Variants in EPB41L5 observed in about 807,000 individuals in gnomAD.
The protein encoded by EPB41L5 is band 4.1-like protein 5.
In EPB41L5, 55 loss-of-function variants were observed where a neutral mutation model predicts 106.6. That is an observed-to-expected ratio of 0.52 (90% CI 0.42 to 0.65). The LOEUF (loss-of-function observed/expected upper bound fraction) is 0.65, where lower values mean the gene tolerates loss of function less well. Among genes scored for constraint, EPB41L5 ranks in the 30% least tolerant of loss-of-function variants. The pLI, the probability that EPB41L5 is intolerant of heterozygous loss-of-function variation, is 0.00. For missense variants in EPB41L5, 871 were observed against 882.1 expected, an observed-to-expected ratio of 0.99 and a Z score of 0.16; for synonymous variants, 297 against 306.7, an observed-to-expected ratio of 0.97 and a Z score of 0.33.
intron 16 of EPB41L5, among the ~76,000 whole-genome samples, chr2:120,120,316 C>T (rs1173393918): frequency 1.3e-5 from 2 of 151,194 alleles, no homozygotes; most frequent in South Asian, 2.1e-4. Flanking sequence ...GCTGTAGTCC[C>T]GGCTACATGG....
rs116000592 is a variant in EPB41L5 at position 120,037,663 on chromosome 2, A to G, written c.181-4343A>G. On this transcript the variant is annotated intron_variant, in intron 2 of 24. Transcript: ENST00000263713. ...CAGACCCCATCTCTACAAAAGAAAA[A>G]AAAAAGCAGTGTGTTACTGGCAATA... is the stretch of plus-strand genomic sequence containing the variant. 4.5e-3 allele frequency among the ~76,000 whole-genome samples: 692 copies of G among 152,300 alleles called. 6 individuals carry two copies. Among genetic ancestry groups the G allele is most frequent in the African/African-American group, 0.014 (595 of 41,564 alleles).
At chr2:120,090,576 C>A in intron 12 of EPB41L5, 60 bp downstream of exon 12, 1 of 1,462,282 alleles carries the variant, frequency 6.8e-7, no homozygotes, top group Non-Finnish European at 9.3e-7. Flanking sequence ...AAATTTAGGC[C>A]AATCTTCTCT....
chr2:120,061,040 T>TTTTG (rs1333605096), intron 3 of EPB41L5, among the ~76,000 whole-genome samples: 1 of 111,872 alleles, frequency 8.9e-6, no homozygotes, highest in Non-Finnish European at 1.9e-5. Context: ...AGTTTTTTTT[T>TTTTG]TTTTTTTTTT....
At chr2:120,125,323 C>T (rs995252951) in intron 16 of EPB41L5, among the ~76,000 whole-genome samples, 1 of 152,174 alleles carries the variant, frequency 6.6e-6, no homozygotes, top group African/African-American at 2.4e-5. Context: ...GGAAACACCG[C>T]TTGTCCAACT....
intron 3 of EPB41L5, among the ~76,000 whole-genome samples, chr2:120,048,585 C>CT (rs1343396007): frequency 6.6e-6 from 1 of 151,270 alleles, no homozygotes; most frequent in African/African-American, 2.4e-5. Context: ...TTTTGTTGAT[C>CT]TTTTAAAAAA....
intron 20 of EPB41L5, among the ~76,000 whole-genome samples, chr2:120,149,555 T>C (rs535790068): frequency 4.6e-5 from 7 of 152,242 alleles, no homozygotes; most frequent in Non-Finnish European, 8.8e-5. Context: ...TGTACTATTA[T>C]GTATCAGGAC....
intron 3 of EPB41L5, among the ~76,000 whole-genome samples, chr2:120,049,598 G>C (rs1206420755): frequency 6.6e-6 from 1 of 151,994 alleles, no homozygotes; most frequent in Non-Finnish European, 1.5e-5. Context: ...CAGTACACTG[G>C]GGGGTCTTGA....
At chr2:120,147,819 G>A (rs972432832) in intron 20 of EPB41L5, among the ~76,000 whole-genome samples, 2 of 152,026 alleles carry the variant, frequency 1.3e-5, no homozygotes, top group Non-Finnish European at 2.9e-5. Flanking sequence ...AGAGCCTAGA[G>A]CATACATGCA....
chr2:120,161,433 C>T (rs1687137223), intron 21 of EPB41L5, among the ~76,000 whole-genome samples: 1 of 151,574 alleles, frequency 6.6e-6, no homozygotes, highest in South Asian at 2.1e-4. Flanking sequence ...AGGGAGAATC[C>T]TGTTGCCACA....
chr2:120,168,631 T>C (rs750407747), intron 24 of EPB41L5, among the ~76,000 whole-genome samples: 4 of 152,198 alleles, frequency 2.6e-5, no homozygotes, highest in Non-Finnish European at 4.4e-5. Flanking sequence ...ATTTCACATA[T>C]CCTCCTTGAA....
intron 10 of EPB41L5, among the ~76,000 whole-genome samples, chr2:120,085,721 T>G (rs1249300531): frequency 6.6e-6 from 1 of 152,220 alleles, no homozygotes; most frequent in Non-Finnish European, 1.5e-5. Flanking sequence ...TGTCCCTTGA[T>G]GCGTGAAGAA....
chr2:120,140,465 AAAG>A (rs1159463267), intron 18 of EPB41L5, among the ~76,000 whole-genome samples: 1 of 152,008 alleles, frequency 6.6e-6, no homozygotes, highest in Non-Finnish European at 1.5e-5. Flanking sequence ...TTTTTTAAGA[AAAG>A]AAGGAAGAAT....
intron 10 of EPB41L5, among the ~76,000 whole-genome samples, chr2:120,082,772 T>C (rs1187179656): frequency 1.3e-5 from 2 of 152,310 alleles, no homozygotes; most frequent in East Asian, 3.9e-4. Flanking sequence ...AATTATTGCC[T>C]CAATTTTAGA....
chr2:120,086,583 G>A (rs1197279668), intron 10 of EPB41L5, among the ~76,000 whole-genome samples: 2 of 152,040 alleles, frequency 1.3e-5, no homozygotes, highest in African/African-American at 4.8e-5. Flanking sequence ...GCAACGTAGC[G>A]AGATGCCGTC....
intron 2 of EPB41L5, among the ~76,000 whole-genome samples, chr2:120,036,738 A>G (rs781597410): frequency 4.6e-5 from 7 of 152,228 alleles, no homozygotes; most frequent in Admixed American, 3.3e-4. Context: ...AGTATAATCT[A>G]TAGAACACAT....
intron 17 of EPB41L5, among the ~76,000 whole-genome samples, chr2:120,130,725 G>A (rs1367663615): frequency 6.6e-6 from 1 of 152,108 alleles, no homozygotes; most frequent in African/African-American, 2.4e-5. Context: ...ATTATTCTTG[G>A]GTGAGCCCTG....
intron 18 of EPB41L5, 96 bp downstream of exon 18, chr2:120,131,811 G>A (rs1424063371): frequency 1.1e-6 from 1 of 895,848 alleles, no homozygotes; most frequent in African/African-American, 1.7e-5. Flanking sequence ...TTCTTTAGCT[G>A]GGAAATCTGT....
intron 18 of EPB41L5, among the ~76,000 whole-genome samples, chr2:120,137,602 G>A (rs1053870426): frequency 5.3e-5 from 8 of 151,992 alleles, no homozygotes; most frequent in Non-Finnish European, 1.5e-5. Flanking sequence ...GGAAAACATT[G>A]AAGAAATGGA....
intron 1 of EPB41L5, 149 bp from the exon 2 acceptor site, chr2:120,018,928 G>A: frequency 3.0e-6 from 2 of 672,038 alleles, no homozygotes; most frequent in Non-Finnish European, 5.0e-6. Context: ...TTGCAGGCGT[G>A]AGTCACTGCA....
Sources: gnomAD v4.1 joint callset for allele counts (sites outside exome capture counted in the v4.1 genomes callset) on GRCh38, gnomAD v4.1.1 for gene constraint, MANE v1.5 for transcripts, NCBI Gene and HGNC (gene_info 2026-07-23, HGNC 2026-07-21) for gene names.